Variants in SAMD5 observed in about 807,000 individuals in gnomAD.
SAMD5 encodes the protein sterile alpha motif domain containing 5, also known as sterile alpha motif domain-containing protein 5.
SAMD5 carries 13 observed loss-of-function variants against 11.3 expected under a neutral mutation model. The observed-to-expected ratio is 1.15, with a 90% CI of 0.75 to 1.83. The LOEUF (loss-of-function observed/expected upper bound fraction) is 1.83. SAMD5 is among the 40% of genes most tolerant of loss of function. The pLI is 0.00. For missense variants in SAMD5, 255 were observed against 239.1 expected, an observed-to-expected ratio of 1.07 and a Z score of -0.44; for synonymous variants, 129 against 111.3, an observed-to-expected ratio of 1.16 and a Z score of -1.00.
At chr6:147,830,990 G>A in the SAMD5 span, among the ~76,000 whole-genome samples, 2 of 152,116 alleles carry the variant, frequency 1.3e-5, no homozygotes, top group Non-Finnish European at 2.9e-5. Flanking sequence ...ACGAAGTTAC[G>A]TACATCTCAC....
intron 1 of SAMD5, among the ~76,000 whole-genome samples, chr6:147,729,138 G>T (rs1009125811): frequency 6.6e-6 from 1 of 152,166 alleles, no homozygotes; most frequent in Non-Finnish European, 1.5e-5. Context: ...CCTTTGCTCT[G>T]TATGCAAACA....
At chr6:147,797,384 A>G in the SAMD5 span, among the ~76,000 whole-genome samples, 1 of 120,518 alleles carries the variant, frequency 8.3e-6, no homozygotes, top group Admixed American at 8.2e-5. Context: ...TGATTTGCAT[A>G]TATTGAACCA....
intron 1 of SAMD5, among the ~76,000 whole-genome samples, chr6:147,667,705 T>G (rs9373532): frequency 1.3e-5 from 2 of 152,022 alleles, no homozygotes; most frequent in Non-Finnish European, 2.9e-5. Context: ...CAGAATACAG[T>G]TGGGCTTTCT....
chr6:147,541,261 T>G (rs1479933126), intron 1 of SAMD5, among the ~76,000 whole-genome samples: 1 of 152,148 alleles, frequency 6.6e-6, no homozygotes, highest in African/African-American at 2.4e-5. Context: ...TTCAAGCCAC[T>G]TTACCAGAGA....
the SAMD5 span, among the ~76,000 whole-genome samples, chr6:147,864,276 G>A: frequency 6.6e-6 from 1 of 152,204 alleles, no homozygotes. Flanking sequence ...CGGTTTCACT[G>A]TTCGAGAATT....
rs1008882287 is a variant in SAMD5, at chr6:147,661,569, C to T, written c.163-75748C>T. 3.3e-5 allele frequency among the ~76,000 whole-genome samples: 5 copies of T among 152,292 alleles called. No homozygotes were observed. The South Asian group carries it at 1.0e-3, about 32-fold the overall frequency. On this transcript the variant is annotated intron_variant, in intron 1 of 1. Coordinates refer to the SAMD5 transcript ENST00000566741. ...GGAAGGAGCAATGCTTAACATTAAC[C>T]ATAGCATTCTATTAGTTAGGAGGAC...
the SAMD5 span, among the ~76,000 whole-genome samples, chr6:147,916,411 C>T: frequency 2.6e-5 from 4 of 152,116 alleles, no homozygotes; most frequent in Admixed American, 2.0e-4. Context: ...CTCTCCAGCA[C>T]CTGTTGTTTC....
the SAMD5 span, among the ~76,000 whole-genome samples, chr6:147,873,099 C>T: frequency 2.0e-5 from 3 of 152,106 alleles, no homozygotes; most frequent in South Asian, 2.1e-4. Context: ...TAATTTAAGG[C>T]CGGGTGCTGT....
intron 1 of SAMD5, among the ~76,000 whole-genome samples, chr6:147,628,408 A>G (rs141033964): frequency 1.5e-3 from 224 of 152,302 alleles, no homozygotes; most frequent in Middle Eastern, 0.01. Flanking sequence ...CTAGTATAAG[A>G]CAGACTCTTA....
intron 1 of SAMD5, among the ~76,000 whole-genome samples, chr6:147,514,002 C>T (rs71566479): frequency 0.056 from 8,521 of 152,034 alleles, 305 homozygotes; most frequent in Admixed American, 0.088. Flanking sequence ...AGGTTACAGC[C>T]GGAGGAGGAA....
intron 1 of SAMD5, among the ~76,000 whole-genome samples, chr6:147,645,438 C>G (rs1790383312): frequency 6.6e-6 from 1 of 152,090 alleles, no homozygotes; most frequent in Non-Finnish European, 1.5e-5. Context: ...GACCCTTCCT[C>G]TGCTTGAGGT....
chr6:147,867,113 C>T, the SAMD5 span, among the ~76,000 whole-genome samples: 1 of 152,094 alleles, frequency 6.6e-6, no homozygotes, highest in African/African-American at 2.4e-5. Flanking sequence ...AATTTACAAA[C>T]ACACTGCTGT....
chr6:147,572,254 T>C (rs1583089884), downstream of SAMD5, among the ~76,000 whole-genome samples: 2 of 152,340 alleles, frequency 1.3e-5, no homozygotes, highest in East Asian at 3.9e-4. Flanking sequence ...GTTGGAAGGA[T>C]AGTGGCTTTC....
intron 1 of SAMD5, among the ~76,000 whole-genome samples, chr6:147,646,888 A>C (rs1790410736): frequency 6.6e-6 from 1 of 151,618 alleles, no homozygotes; most frequent in Non-Finnish European, 1.5e-5. Flanking sequence ...CTGTAATCCC[A>C]GTACTTTGGG....
At chr6:147,808,454 T>G in the SAMD5 span, among the ~76,000 whole-genome samples, 1 of 152,316 alleles carries the variant, frequency 6.6e-6, no homozygotes, top group Non-Finnish European at 1.5e-5. Flanking sequence ...TCCTTCCACC[T>G]TGGCCTCCCA....
At chr6:147,726,505 C>A (rs889529246) in intron 1 of SAMD5, among the ~76,000 whole-genome samples, 1 of 152,190 alleles carries the variant, frequency 6.6e-6, no homozygotes, top group African/African-American at 2.4e-5. Context: ...AGTCTGTATG[C>A]CAGGCCTGCC....
Position 147,566,969 on chromosome 6 carries a change from G to A in SAMD5, c.*2513G>A. On this transcript the variant is annotated 3_prime_UTR_variant, in exon 2 of 2. Transcript: ENST00000367474. ...ATATACTTAATTTTTGAATATAAAA[G>A]AAGTAGCAATTGACTAAGAATAAAT... 9.5e-6 allele frequency: 8 copies of A among 845,282 alleles called. No individual in the cohort carries two copies. The highest frequency in any genetic ancestry group is 1.1e-5 in the Non-Finnish European group (8 of 702,528). 52.4% of individuals were successfully genotyped at this position (845,282 alleles called of 1,614,324 possible). A position where few individuals can be genotyped will look rare whatever the true frequency, so the allele number is the denominator to read the frequency against.
intron 1 of SAMD5, among the ~76,000 whole-genome samples, chr6:147,621,989 C>T (rs891478339): frequency 3.9e-5 from 6 of 152,140 alleles, no homozygotes; most frequent in Admixed American, 2.0e-4. Context: ...GGAGGAGGAA[C>T]ACGTGATTGT....
chr6:147,800,656 T>G, the SAMD5 span, among the ~76,000 whole-genome samples: 1 of 152,338 alleles, frequency 6.6e-6, no homozygotes, highest in Admixed American at 6.5e-5. Flanking sequence ...TCTAAAAAGA[T>G]TTTTGTCTGA....
Sources: gnomAD v4.1 joint callset for allele counts (sites outside exome capture counted in the v4.1 genomes callset) on GRCh38, gnomAD v4.1.1 for gene constraint, MANE v1.5 for transcripts, NCBI Gene and HGNC (gene_info 2026-07-23, HGNC 2026-07-21) for gene names.